The following LRP1B variants were observed in gnomAD, a reference collection of about 807,000 sequenced individuals.
LRP1B encodes low-density lipoprotein receptor-related protein 1B.
Under a neutral mutation model 556.6 loss-of-function variants are expected in LRP1B, and 217 were observed. That is an observed-to-expected ratio of 0.39 (90% CI 0.35 to 0.44). The LOEUF (loss-of-function observed/expected upper bound fraction) is 0.44, where lower values mean the gene tolerates loss of function less well. LRP1B is among the 20% of genes least tolerant of loss of function. The probability of loss-of-function intolerance (pLI) is 1.00; values close to 1 mark genes in which losing one functional copy is unlikely to be tolerated. For synonymous variants in LRP1B, 2,047 were observed against 1,865.8 expected (o/e 1.10, Z -2.50); for missense variants, 5,053 against 5,620.8 (o/e 0.90, Z 3.23).
chr2:141,020,901 T>A (rs1698046997), intron 11 of LRP1B, among the ~76,000 whole-genome samples: 3 of 151,956 alleles, frequency 2.0e-5, no homozygotes, highest in Admixed American at 2.0e-4. Context: ...ATCCAAGCCT[T>A]ATGACCCACA....
At chr2:140,247,959 C>T (rs1335764911) in intron 86 of LRP1B, among the ~76,000 whole-genome samples, 1 of 151,508 alleles carries the variant, frequency 6.6e-6, no homozygotes, top group Non-Finnish European at 1.5e-5. Flanking sequence ...CACAGAGAAA[C>T]AATTTAATTG....
intron 2 of LRP1B, among the ~76,000 whole-genome samples, chr2:141,766,661 G>T (rs1694744282): frequency 6.6e-6 from 1 of 152,190 alleles, no homozygotes; most frequent in African/African-American, 2.4e-5. Flanking sequence ...ATGGAGGAAA[G>T]TGCCTTTATG....
intron 2 of LRP1B, among the ~76,000 whole-genome samples, chr2:141,724,568 C>T (rs564210125): frequency 1.3e-4 from 20 of 151,940 alleles, no homozygotes; most frequent in African/African-American, 4.8e-4. Context: ...AGATACTCTA[C>T]GCCAGGCAAA....
chr2:140,241,600 C>T (rs1573671218), intron 87 of LRP1B, among the ~76,000 whole-genome samples: 2 of 150,580 alleles, frequency 1.3e-5, no homozygotes, highest in African/African-American at 2.4e-5. Context: ...TATATTACAG[C>T]ATTTTGTGTT....
In LRP1B at chr2:140,800,591, C is replaced by A. The variant is rs1315789400; in HGVS notation, c.5359+13066G>T. Among the ~76,000 whole-genome samples the A allele has an allele frequency of 3.9e-5, 6 of 152,064 alleles. No individual in the cohort carries two copies. In the East Asian group the frequency reaches 1.2e-3, roughly 29 times the overall value. The stretch of plus-strand genomic sequence containing the variant: ...AATGTTTTTTAAAAATTTAGACTAA[C>A]AATTATTACTGTTAAAAATAATAAT... On this transcript the variant is annotated intron_variant, in intron 32 of 90. Transcript: ENST00000389484.
chr2:140,778,172 G>A (rs1689563775), intron 32 of LRP1B, among the ~76,000 whole-genome samples: 1 of 152,116 alleles, frequency 6.6e-6, no homozygotes, highest in Admixed American at 6.5e-5. Context: ...ACAGTTGCCT[G>A]GAGGGAATGT....
At chr2:141,010,645 G>C (rs1697714664) in intron 14 of LRP1B, among the ~76,000 whole-genome samples, 1 of 151,926 alleles carries the variant, frequency 6.6e-6, no homozygotes, top group Non-Finnish European at 1.5e-5. Context: ...CTCCCGAGTA[G>C]CTAGGATTAC....
chr2:141,441,189 G>A (rs1405458851), intron 3 of LRP1B, among the ~76,000 whole-genome samples: 2 of 152,044 alleles, frequency 1.3e-5, no homozygotes, highest in Non-Finnish European at 2.9e-5. Context: ...TGATTCTCCT[G>A]CTTCAGCCTC....
intron 71 of LRP1B, 115 bp downstream of exon 71, chr2:140,370,595 A>C: frequency 7.3e-7 from 1 of 1,361,052 alleles, no homozygotes; most frequent in Non-Finnish European, 9.9e-7. Context: ...TTGGAAGAGT[A>C]AAGAGAATTA....
intron 63 of LRP1B, among the ~76,000 whole-genome samples, chr2:140,449,299 G>T (rs959295585): frequency 6.6e-6 from 1 of 152,002 alleles, no homozygotes. Context: ...TTACTTTATT[G>T]TGGGGAAAGT....
At chr2:141,958,455 C>G (rs1701321825) in intron 1 of LRP1B, among the ~76,000 whole-genome samples, 1 of 151,906 alleles carries the variant, frequency 6.6e-6, no homozygotes, top group African/African-American at 2.4e-5. Context: ...GCAAAGATGG[C>G]AAAGAAGTTG....
chr2:140,443,384 G>A (rs147066595), intron 65 of LRP1B, among the ~76,000 whole-genome samples: 1 of 152,086 alleles, frequency 6.6e-6, no homozygotes, highest in African/African-American at 2.4e-5. Context: ...TGAGGGAAGT[G>A]AACATCCAAC....
chr2:140,296,220 T>C (rs553159500), intron 84 of LRP1B, among the ~76,000 whole-genome samples: 79 of 152,180 alleles, frequency 5.2e-4, no homozygotes, highest in South Asian at 1.0e-3. Flanking sequence ...TAGTAAAAAA[T>C]ACACATAAAA....
At chr2:140,847,926 G>A (rs941377853) in intron 29 of LRP1B, among the ~76,000 whole-genome samples, 1 of 152,078 alleles carries the variant, frequency 6.6e-6, no homozygotes, top group Non-Finnish European at 1.5e-5. Flanking sequence ...CTAAATAGAA[G>A]TAAGTCTTGA....
chr2:141,446,774 G>A (rs1402523067), intron 3 of LRP1B, among the ~76,000 whole-genome samples: 1 of 152,190 alleles, frequency 6.6e-6, no homozygotes, highest in Non-Finnish European at 1.5e-5. Flanking sequence ...TCTGCGGAGA[G>A]AGACCCACTC....
intron 3 of LRP1B, among the ~76,000 whole-genome samples, chr2:141,295,790 C>CACACACACACACAT (rs963472660): frequency 7.1e-6 from 1 of 141,198 alleles, no homozygotes; most frequent in East Asian, 2.0e-4. Flanking sequence ...CACACACACA[C>CACACACACACACAT]ATAACAGTGG....
intron 15 of LRP1B, among the ~76,000 whole-genome samples, chr2:141,002,931 TATA>T (rs552740615): frequency 1.1e-3 from 163 of 152,158 alleles, no homozygotes; most frequent in African/African-American, 3.1e-3. Flanking sequence ...ATGCTAATTT[TATA>T]ATAAGTGAAA....
At chr2:141,841,934 C>T (rs1000671045) in intron 1 of LRP1B, among the ~76,000 whole-genome samples, 3 of 151,942 alleles carry the variant, frequency 2.0e-5, no homozygotes, top group Non-Finnish European at 2.9e-5. Flanking sequence ...AATATATGCT[C>T]ATTTTTGACA....
At chr2:140,447,377 C>T (rs980784171) in intron 63 of LRP1B, among the ~76,000 whole-genome samples, 4 of 151,764 alleles carry the variant, frequency 2.6e-5, no homozygotes, top group East Asian at 1.9e-4. Flanking sequence ...GCAAATATCA[C>T]GATAAAGCAT....
Sources: gnomAD v4.1 joint callset for allele counts (sites outside exome capture counted in the v4.1 genomes callset) on GRCh38, gnomAD v4.1.1 for gene constraint, MANE v1.5 for transcripts, NCBI Gene and HGNC (gene_info 2026-07-23, HGNC 2026-07-21) for gene names.